Variants in COL6A6 observed in about 807,000 individuals in gnomAD.
The protein encoded by COL6A6 is collagen type VI alpha 6 chain.
In COL6A6, 183 loss-of-function variants were observed where a neutral mutation model predicts 208.6. The observed-to-expected ratio is 0.88, with a 90% CI of 0.78 to 0.99. COL6A6 has a LOEUF of 0.99. Ranked by LOEUF, COL6A6 falls within the 50% of genes least tolerant of loss-of-function variation. The probability of loss-of-function intolerance (pLI) is 0.00; values close to 1 mark genes in which losing one functional copy is unlikely to be tolerated. For synonymous variants in COL6A6, 973 were observed against 1,011.8 expected, an observed-to-expected ratio of 0.96 and a Z score of 0.73; for missense variants, 2,816 against 2,815.2, an observed-to-expected ratio of 1.00 and a Z score of -0.01.
chr3:130,644,332 A>G (rs1435505501), intron 31 of COL6A6, among the ~76,000 whole-genome samples: 2 of 152,222 alleles, frequency 1.3e-5, no homozygotes, highest in Non-Finnish European at 2.9e-5. Flanking sequence ...TGTCCAGTAC[A>G]GTAGCCACAA....
intron 33 of COL6A6, among the ~76,000 whole-genome samples, chr3:130,653,089 GTTTT>G (rs1298807903): frequency 6.6e-6 from 1 of 152,254 alleles, no homozygotes; most frequent in Non-Finnish European, 1.5e-5. Context: ...GGAAAAACAT[GTTTT>G]TTGTTTGTTT....
chr3:130,624,081 T>C (rs2064815796), intron 24 of COL6A6, among the ~76,000 whole-genome samples: 1 of 151,992 alleles, frequency 6.6e-6, no homozygotes, highest in Non-Finnish European at 1.5e-5. Flanking sequence ...AGAAAATGGA[T>C]AAAAAGCTGT....
At chr3:130,589,296 G>C in intron 12 of COL6A6, 114 bp downstream of exon 12, 1 of 650,042 alleles carries the variant, frequency 1.5e-6, no homozygotes, top group Admixed American at 2.9e-5. Context: ...TCTTATATAA[G>C]AGTTTATTAT....
chr3:130,675,501 A>C lies in COL6A6; in HGVS notation c.*104A>C. 1 of 804,114 alleles carries C rather than the reference A, an allele frequency of 1.2e-6. No homozygotes were observed. The highest frequency in any genetic ancestry group is 1.9e-6 in the Non-Finnish European group (1 of 520,848). 49.8% of individuals were successfully genotyped at this position (804,114 alleles called of 1,614,324 possible). On this transcript the variant is annotated 3_prime_UTR_variant, in exon 37 of 37. Coordinates refer to ENST00000358511, the MANE Select transcript of COL6A6 (RefSeq NM_001102608.3). ...CTCAAGCAACAGTTTGTAGGTTATC[A>C]GGTGACTTGACCCCCTGCATTCATT...
At chr3:130,606,894 T>C in intron 20 of COL6A6, 37 bp from the exon 21 acceptor site, 1 of 1,574,826 alleles carries the variant, frequency 6.3e-7, no homozygotes, top group Non-Finnish European at 8.7e-7. Context: ...AAGCATTTTT[T>C]CTGAATTAAT....
Position 130,639,710 on chromosome 3 carries a change from A to AG in COL6A6, c.5092-1942_5092-1941insG, listed in dbSNP as rs201220468. ...GTCTCAAAAAAAAAAAAAAAAAAAA[A>AG]TGACTGATTGGAAGCTCTGAGAACA... On this transcript the variant is annotated intron_variant, in intron 28 of 36. Coordinates refer to ENST00000358511, the MANE Select transcript of COL6A6 (RefSeq NM_001102608.3). Among the ~76,000 whole-genome samples the AG allele has an allele frequency of 7.2e-4, 106 of 146,710 alleles. 2 individuals are homozygous for AG. The highest frequency in any genetic ancestry group is 2.3e-3 in the African/African-American group (91 of 38,988).
chr3:130,611,818 C>T (rs58228792), intron 23 of COL6A6, among the ~76,000 whole-genome samples: 25 of 152,256 alleles, frequency 1.6e-4, no homozygotes, highest in African/African-American at 4.1e-4. Flanking sequence ...TAGGTGTACA[C>T]GTGCAGGTTG....
intron 1 of COL6A6, among the ~76,000 whole-genome samples, chr3:130,521,131 T>C (rs1442447945): frequency 1.3e-5 from 2 of 152,188 alleles, no homozygotes; most frequent in Non-Finnish European, 2.9e-5. Context: ...CTCTAAAATA[T>C]TTTTGTATTG....
intron 1 of COL6A6, among the ~76,000 whole-genome samples, chr3:130,520,507 C>A (rs1473832836): frequency 6.6e-6 from 1 of 152,144 alleles, no homozygotes; most frequent in African/African-American, 2.4e-5. Context: ...ATACCATTAG[C>A]TAATATAAGT....
chr3:130,553,352 CTTCT>C (rs2062691021), intron 1 of COL6A6, among the ~76,000 whole-genome samples: 1 of 152,152 alleles, frequency 6.6e-6, no homozygotes, highest in Admixed American at 6.5e-5. Flanking sequence ...GTTAATTCTT[CTTCT>C]TTGTTTTTTC....
At chr3:130,586,139 A>T (rs1162676308) in intron 10 of COL6A6, among the ~76,000 whole-genome samples, 2 of 151,936 alleles carry the variant, frequency 1.3e-5, no homozygotes, top group East Asian at 3.9e-4. Flanking sequence ...AAATTTTGTA[A>T]ATTTTTTGTA....
At position 130,649,061 on chromosome 3, in the gene COL6A6, T is replaced by C; in HGVS notation, c.5240-8T>C. The C allele has an allele frequency of 1.9e-6, 3 of 1,545,750 alleles. No individual in the cohort carries two copies. The highest frequency in any genetic ancestry group is 2.6e-6 in the Non-Finnish European group (3 of 1,143,902). ...GGATGCTATGTGTTAAGGGATATGG[T>C]CTTTTAGGAAAACCGGAATGCCCAG... is the stretch of plus-strand genomic sequence containing the variant. On this transcript the variant is annotated splice_region_variant and splice_polypyrimidine_tract_variant and intron_variant, in intron 32 of 36. Coordinates refer to ENST00000358511, the MANE Select transcript of COL6A6 (RefSeq NM_001102608.3).
intron 33 of COL6A6, among the ~76,000 whole-genome samples, chr3:130,658,211 A>C (rs981029870): frequency 3.3e-5 from 5 of 151,990 alleles, no homozygotes; most frequent in Non-Finnish European, 4.4e-5. Flanking sequence ...GGTCTCTGAT[A>C]CTCTTTCTTA....
In COL6A6 at chr3:130,568,039, C is replaced by G; in HGVS notation, c.1844-8C>G. 9 of 1,593,352 alleles carry G rather than the reference C, an allele frequency of 5.6e-6. No homozygotes were observed. The highest frequency in any genetic ancestry group is 7.7e-6 in the Non-Finnish European group (9 of 1,170,566). ...ACTTGAATAAACATCACAGTTTTTC[C>G]TATGCAGCTTGCAAAGAGATGAAAG... On this transcript the variant is annotated splice_polypyrimidine_tract_variant and splice_region_variant and intron_variant, in intron 5 of 36. Transcript: ENST00000358511.
intron 24 of COL6A6, among the ~76,000 whole-genome samples, chr3:130,624,271 G>C (rs558604652): frequency 1.1e-4 from 16 of 152,260 alleles, no homozygotes; most frequent in Admixed American, 6.5e-4. Context: ...GAAAATGTAA[G>C]AAAGAGTAGA....
intron 18 of COL6A6, among the ~76,000 whole-genome samples, chr3:130,595,039 A>G (rs1268616485): frequency 6.6e-6 from 1 of 152,172 alleles, no homozygotes; most frequent in East Asian, 1.9e-4. Flanking sequence ...CCAAACCACT[A>G]TCAGTTCTCC....
intron 1 of COL6A6, among the ~76,000 whole-genome samples, chr3:130,532,265 C>T (rs554973662): frequency 1.3e-5 from 2 of 152,286 alleles, no homozygotes; most frequent in Non-Finnish European, 2.9e-5. Flanking sequence ...AGTACCTGTG[C>T]TTGACACTGA....
chr3:130,521,033 T>G (rs1711041065), intron 1 of COL6A6, among the ~76,000 whole-genome samples: 1 of 152,186 alleles, frequency 6.6e-6, no homozygotes, highest in African/African-American at 2.4e-5. Flanking sequence ...TAAACCTCAG[T>G]ATTCTCCTTA....
chr3:130,606,974 G>A lies in COL6A6; in HGVS notation c.4689+8G>A. On this transcript the variant is annotated splice_region_variant and intron_variant, in intron 21 of 36. Transcript: ENST00000358511. ...GGACATACAGGCCCACAGGTACAAT[G>A]ATTTTTCCCCTTAACTCCAAATAAC... 1 of 1,605,212 alleles carries A rather than the reference G, an allele frequency of 6.2e-7. No individual in the cohort carries two copies. The highest frequency in any genetic ancestry group is 2.2e-5 in the East Asian group (1 of 44,612).
Sources: gnomAD v4.1 joint callset for allele counts (sites outside exome capture counted in the v4.1 genomes callset) on GRCh38, gnomAD v4.1.1 for gene constraint, MANE v1.5 for transcripts, NCBI Gene and HGNC (gene_info 2026-07-23, HGNC 2026-07-21) for gene names.